Variants in LHFPL3 observed in about 807,000 individuals in gnomAD.
LHFPL3 encodes LHFPL tetraspan subfamily member 3.
LHFPL3 carries 5 observed loss-of-function variants against 19.3 expected under a neutral mutation model. That is an observed-to-expected ratio of 0.26 (90% confidence interval 0.14 to 0.54). LHFPL3 has a LOEUF of 0.54. LHFPL3 is among the 20% of genes least tolerant of loss of function. The pLI is 0.94. For missense variants in LHFPL3, 249 were observed against 307.4 expected, an observed-to-expected ratio of 0.81 and a Z score of 1.42; for synonymous variants, 133 against 126.2, an observed-to-expected ratio of 1.05 and a Z score of -0.36.
At chr7:104,423,853 A>C (rs892348073) in intron 1 of LHFPL3, among the ~76,000 whole-genome samples, 1 of 152,130 alleles carries the variant, frequency 6.6e-6, no homozygotes, top group Non-Finnish European at 1.5e-5. Flanking sequence ...GGCAAACAAC[A>C]AACAAACAGA....
At chr7:104,507,425 A>T (rs1000126930) in intron 1 of LHFPL3, among the ~76,000 whole-genome samples, 20 of 142,880 alleles carry the variant, frequency 1.4e-4, no homozygotes, top group Non-Finnish European at 7.7e-5. Flanking sequence ...CTGAAACTGG[A>T]TCCCTTCCTT....
rs542082115 is a variant in LHFPL3, at chr7:104,477,310, A to G, written c.445+148086A>G. 8.5e-5 allele frequency among the ~76,000 whole-genome samples: 13 copies of G among 152,270 alleles called. No homozygotes were observed. The South Asian group carries it at 2.5e-3, about 29-fold the overall frequency. Reference sequence around the variant, plus strand: ...CCAGCCCAAGAACATAATTCTTGATAGGCATTTTCTCTCAGTTATTCACTC... The same window carrying G: ...CCAGCCCAAGAACATAATTCTTGATGGGCATTTTCTCTCAGTTATTCACTC... On this transcript the variant is annotated intron_variant, in intron 1 of 2. Coordinates refer to ENST00000424859, the MANE Select transcript of LHFPL3 (RefSeq NM_199000.3).
chr7:104,495,165 C>A (rs983318898), intron 1 of LHFPL3, among the ~76,000 whole-genome samples: 1 of 152,150 alleles, frequency 6.6e-6, no homozygotes, highest in Admixed American at 6.6e-5. Flanking sequence ...CCCCTTCCAA[C>A]CCCCACTAGC....
At chr7:104,507,679 A>T (rs1163682680) in intron 1 of LHFPL3, among the ~76,000 whole-genome samples, 1 of 121,476 alleles carries the variant, frequency 8.2e-6, no homozygotes, top group Non-Finnish European at 1.7e-5. Context: ...GCAACCTACA[A>T]AATGGGAGAA....
At chr7:104,859,100 TA>T (rs35915045) in intron 2 of LHFPL3, among the ~76,000 whole-genome samples, 5 of 146,768 alleles carry the variant, frequency 3.4e-5, no homozygotes, top group Admixed American at 1.4e-4. Context: ...CAGTCTCTAC[TA>T]AAAAAAAATA....
intron 1 of LHFPL3, among the ~76,000 whole-genome samples, chr7:104,693,383 C>A (rs1792940162): frequency 6.6e-6 from 1 of 152,064 alleles, no homozygotes; most frequent in African/African-American, 2.4e-5. Context: ...GGGGCCAGGG[C>A]AGAATGATAT....
chr7:104,883,380 A>G (rs761815867), intron 2 of LHFPL3, among the ~76,000 whole-genome samples: 4 of 152,240 alleles, frequency 2.6e-5, no homozygotes, highest in Non-Finnish European at 4.4e-5. Flanking sequence ...GATGAAGCTT[A>G]AATTAAGCTT....
intron 2 of LHFPL3, among the ~76,000 whole-genome samples, chr7:104,877,239 C>T (rs1175567190): frequency 6.6e-6 from 1 of 151,908 alleles, no homozygotes; most frequent in Non-Finnish European, 1.5e-5. Context: ...AACAAACCTG[C>T]ACGTTGTGCA....
At chr7:104,348,214 A>G (rs10254423) in intron 1 of LHFPL3, among the ~76,000 whole-genome samples, 95,949 of 152,088 alleles carry the variant, frequency 0.63, 31,214 homozygotes, top group East Asian at 0.88. Context: ...GTGAAACCTC[A>G]TCTCTACTAA....
chr7:104,437,086 C>T (rs1230641493), intron 1 of LHFPL3, among the ~76,000 whole-genome samples: 1 of 152,202 alleles, frequency 6.6e-6, no homozygotes, highest in African/African-American at 2.4e-5. Flanking sequence ...ATATTACTGT[C>T]AACCACTTAT....
At chr7:104,789,992 GTC>G (rs2116444274) in intron 2 of LHFPL3, among the ~76,000 whole-genome samples, 1 of 152,272 alleles carries the variant, frequency 6.6e-6, no homozygotes, top group East Asian at 1.9e-4. Context: ...AAGCAAATCT[GTC>G]TCTGGGTTTC....
intron 1 of LHFPL3, among the ~76,000 whole-genome samples, chr7:104,443,661 C>A (rs952963525): frequency 2.0e-5 from 3 of 152,226 alleles, no homozygotes; most frequent in South Asian, 4.1e-4. Context: ...TGACTCTTGA[C>A]CCCTGGTAAG....
intron 1 of LHFPL3, among the ~76,000 whole-genome samples, chr7:104,555,542 C>A (rs944002412): frequency 1.3e-5 from 2 of 152,168 alleles, no homozygotes; most frequent in African/African-American, 4.8e-5. Context: ...AAGAACAGCA[C>A]AGGAAAGACC....
intron 1 of LHFPL3, among the ~76,000 whole-genome samples, chr7:104,392,340 A>G (rs1370158207): frequency 6.6e-5 from 10 of 151,766 alleles, no homozygotes; most frequent in Non-Finnish European, 1.2e-4. Flanking sequence ...GATAGCTCTT[A>G]TTATTTTGAG....
intron 1 of LHFPL3, among the ~76,000 whole-genome samples, chr7:104,406,840 G>C (rs1791425457): frequency 6.6e-6 from 1 of 152,238 alleles, no homozygotes; most frequent in Non-Finnish European, 1.5e-5. Context: ...CTTTGCTTGA[G>C]GGGACTTATA....
chr7:104,458,924 T>C (rs928714921), intron 1 of LHFPL3, among the ~76,000 whole-genome samples: 1 of 152,164 alleles, frequency 6.6e-6, no homozygotes, highest in Non-Finnish European at 1.5e-5. Context: ...TTTCCAGCAG[T>C]GCAATAGTGG....
At chr7:104,529,900 G>A (rs1794263657) in intron 1 of LHFPL3, among the ~76,000 whole-genome samples, 1 of 152,170 alleles carries the variant, frequency 6.6e-6, no homozygotes. Flanking sequence ...CAGGTAAAAT[G>A]AGTCAGGTTC....
At chr7:104,667,780 A>G in intron 1 of LHFPL3, 5 of 1,598,552 alleles carry the variant, frequency 3.1e-6, no homozygotes, top group Middle Eastern at 4.5e-4. Context: ...AAGAATAAGA[A>G]GGGGAAGACT....
chr7:104,828,659 A>G (rs1040272909), intron 2 of LHFPL3, among the ~76,000 whole-genome samples: 2 of 151,996 alleles, frequency 1.3e-5, no homozygotes, highest in South Asian at 2.1e-4. Context: ...GAGTGGGGTG[A>G]AAACTCCTCC....
Sources: gnomAD v4.1 joint callset for allele counts (sites outside exome capture counted in the v4.1 genomes callset) on GRCh38, gnomAD v4.1.1 for gene constraint, MANE v1.5 for transcripts, NCBI Gene and HGNC (gene_info 2026-07-23, HGNC 2026-07-21) for gene names.